Variants in PLOD1 observed in about 807,000 individuals in gnomAD.
PLOD1 encodes procollagen-lysine,2-oxoglutarate 5-dioxygenase 1, also known as lysine hydroxylase.
Under a neutral mutation model 94.7 loss-of-function variants are expected in PLOD1, and 70 were observed. The ratio of observed to expected loss-of-function variants is 0.74; its 90% confidence interval spans 0.61 to 0.90. The LOEUF is 0.90. Ranked by LOEUF, PLOD1 falls within the 40% of genes least tolerant of loss-of-function variation. PLOD1 has a pLI of 0.00. For synonymous variants in PLOD1, 417 were observed against 400.2 expected (o/e 1.04, Z -0.50); for missense variants, 905 against 972.7 (o/e 0.93, Z 0.93).
intron 4 of PLOD1, among the ~76,000 whole-genome samples, chr1:11,950,982 T>C (rs368245039): frequency 2.6e-5 from 4 of 152,020 alleles, no homozygotes; most frequent in Non-Finnish European, 4.4e-5. Context: ...TTAGTAGAGA[T>C]GGGGTATCGC....
Position 11,965,517 on chromosome 1 carries a change from G to A in PLOD1, c.1508G>A (p.Gly503Asp). 1.2e-6 allele frequency: 2 copies of A among 1,613,666 alleles called. No individual in the cohort carries two copies. Among genetic ancestry groups the A allele is most frequent in the Non-Finnish European group, 1.7e-6 (2 of 1,179,862 alleles). The change falls in exon 14 of 19, where the codon GGC (glycine) becomes GAC (aspartate). Residue 503 changes from glycine (G) to aspartate (D), a missense_variant. Coordinates refer to ENST00000196061, the MANE Select transcript of PLOD1 (RefSeq NM_000302.4). ...FMFLTNRHTL[G>D]HLLSLDSYRT... is the part of the protein sequence containing the mutation. Reference sequence around the variant, plus strand: ...TTCCTGACCAACCGGCACACCCTTGGCCATCTGCTCTCCCTAGACAGCTAC... The same window carrying A: ...TTCCTGACCAACCGGCACACCCTTGACCATCTGCTCTCCCTAGACAGCTAC...
Position 11,958,652 on chromosome 1 carries a change from G to A in PLOD1, c.975+5G>A. 1 of 1,614,088 alleles carries A rather than the reference G, an allele frequency of 6.2e-7. No homozygotes were observed. On this transcript the variant is annotated splice_donor_5th_base_variant and intron_variant, in intron 9 of 18. Transcript: ENST00000196061. The surrounding 1 kb of genome is among the most constrained non-coding windows in gnomAD (Gnocchi z 4.3). Reference sequence around the variant, plus strand: ...CGACTTTTCATCCACAACCACGTGAGTAACAGGCGCTCTGTGGGGTCGTCA... The same window carrying A: ...CGACTTTTCATCCACAACCACGTGAATAACAGGCGCTCTGTGGGGTCGTCA...
Position 11,950,386 on chromosome 1 carries a change from G to A in PLOD1, c.332G>A (p.Arg111Gln), listed in dbSNP as rs141767454. 11 of 1,613,970 alleles carry A rather than the reference G, an allele frequency of 6.8e-6. No individual in the cohort carries two copies. The highest frequency in any genetic ancestry group is 5.3e-5 in the African/African-American group (4 of 74,900). Residue 111 changes from arginine (R) to glutamine (Q), a missense_variant, in exon 4 of 19, where the codon CGG becomes CAG. Transcript: ENST00000196061. ...SYDVLFASGPRELLKKFRQAR... is the reference protein window; with the variant it reads ...SYDVLFASGPQELLKKFRQAR... The stretch of plus-strand genomic sequence containing the variant: ...GACGTGCTGTTTGCATCGGGGCCCC[G>A]GGAGCTCCTGAAGAAGTTCCGGCAG...
At chr1:11,954,769 T>A in intron 5 of PLOD1, 61 bp from the exon 6 acceptor site, 2 of 1,239,736 alleles carry the variant, frequency 1.6e-6, no homozygotes, top group Non-Finnish European at 2.4e-6. Context: ...CTGGGTGAGA[T>A]GTAGCCCCAG....
In PLOD1 at chr1:11,975,306, T is replaced by C. The variant is rs1645896363; in HGVS notation, c.*498T>C. 1 of 244,090 alleles carries C rather than the reference T, an allele frequency of 4.1e-6. No homozygotes were observed. Among genetic ancestry groups the C allele is most frequent in the East Asian group, 9.7e-5 (1 of 10,284 alleles). 15.1% of individuals were successfully genotyped at this position (244,090 alleles called of 1,614,324 possible). ...AGGGCTGCCCTGAGTCTGGGACTTC[T>C]GCCTCCATGGCTGGTCATGAGAGCA... On this transcript the variant is annotated 3_prime_UTR_variant, in exon 19 of 19. Transcript: ENST00000196061.
chr1:11,971,332 C>A (rs143483237), intron 17 of PLOD1, among the ~76,000 whole-genome samples: 1,531 of 148,548 alleles, frequency 0.01, 19 homozygotes, highest in African/African-American at 0.036. Context: ...AACATCCCAG[C>A]TTATGGGAGA....
chr1:11,972,738 G>A lies in PLOD1; in HGVS notation c.1903-134G>A. 2 of 887,388 alleles carry A rather than the reference G, an allele frequency of 2.3e-6. No homozygotes were observed. Among genetic ancestry groups the A allele is most frequent in the South Asian group, 2.7e-5 (2 of 74,824 alleles). The allele number at this position is 887,388 out of a possible 1,614,324, so 55.0% of individuals were successfully genotyped here. A position where few individuals can be genotyped will look rare whatever the true frequency, so the allele number is the denominator to read the frequency against. On this transcript the variant is annotated intron_variant, in intron 17 of 18. Coordinates refer to ENST00000196061, the MANE Select transcript of PLOD1 (RefSeq NM_000302.4). This position sits in a 1 kb window ranked among gnomAD's most constrained non-coding sequence, Gnocchi z 4.6. ...GTAGTTGCAGGCACTCGAGCATAGA[G>A]CCCCATGTAGACCTGGCCCCTGTAA...
At position 11,958,465 on chromosome 1, in the gene PLOD1, A is replaced by G; in HGVS notation, c.844-51A>G. The G allele has an allele frequency of 6.2e-7, 1 of 1,606,584 alleles. No homozygotes were observed. The stretch of plus-strand genomic sequence containing the variant: ...TTGGGCCACCCTGGGGTGGAGTGGC[A>G]GTGCTGTGACTGGACACTGCTGGAC... On this transcript the variant is annotated intron_variant, in intron 8 of 18. Transcript: ENST00000196061. The surrounding 1 kb of genome is among the most constrained non-coding windows in gnomAD (Gnocchi z 4.3).
chr1:11,970,707 C>T lies in PLOD1; in HGVS notation c.1793C>T (p.Thr598Ile). Residue 598 changes from threonine to isoleucine, a missense_variant, in exon 17 of 19, where the codon ACT (threonine) becomes ATT (isoleucine). Physicochemically the swap from Thr to Ile is moderately conservative, Grantham distance 89. Transcript: ENST00000196061. ...CAGGGTGGCTACGAGAACGTGCCGACTATTGACATCCACATGAACCAGATC... is the reference window on the plus strand; with the variant it reads ...CAGGGTGGCTACGAGAACGTGCCGATTATTGACATCCACATGAACCAGATC... ...RIQGGYENVPTIDIHMNQIGF... is the reference protein window; with the variant it reads ...RIQGGYENVPIIDIHMNQIGF... 1.2e-6 allele frequency: 2 copies of T among 1,613,142 alleles called. No individual in the cohort carries two copies. The highest frequency in any genetic ancestry group is 2.2e-5 in the South Asian group (2 of 91,058).
At chr1:11,942,292 C>T (rs969983429) in intron 1 of PLOD1, among the ~76,000 whole-genome samples, 3 of 152,184 alleles carry the variant, frequency 2.0e-5, no homozygotes, top group Non-Finnish European at 4.4e-5. Flanking sequence ...TGTGTCAGGC[C>T]TCACGTAGCT....
rs1645873685 is a variant in PLOD1 at position 11,972,554 on chromosome 1, C to T, written c.1903-318C>T. On this transcript the variant is annotated intron_variant, in intron 17 of 18. Coordinates refer to ENST00000196061, the MANE Select transcript of PLOD1 (RefSeq NM_000302.4). The surrounding 1 kb of genome is among the most constrained non-coding windows in gnomAD (Gnocchi z 4.6). Reference sequence around the variant, plus strand: ...AGGCGTGAGTACCATGTCCGGCCTCCTTCCCTTTCATTTCTTCTCTTCCCT... The same window carrying T: ...AGGCGTGAGTACCATGTCCGGCCTCTTTCCCTTTCATTTCTTCTCTTCCCT... 2.9e-6 allele frequency: 1 copy of T among 349,932 alleles called. No individual in the cohort carries two copies. Among genetic ancestry groups the T allele is most frequent in the South Asian group, 2.6e-5 (1 of 38,716 alleles). 21.7% of individuals were successfully genotyped at this position (349,932 alleles called of 1,614,324 possible). A position where few individuals can be genotyped will look rare whatever the true frequency, so the allele number is the denominator to read the frequency against.
intron 16 of PLOD1, among the ~76,000 whole-genome samples, chr1:11,968,178 T>G (rs1381479653): frequency 6.6e-6 from 1 of 152,160 alleles, no homozygotes; most frequent in East Asian, 1.9e-4. Context: ...GGTCTCAAAC[T>G]CCTGGCCTCA....
chr1:11,936,576 G>A (rs1645580063), intron 1 of PLOD1, among the ~76,000 whole-genome samples: 1 of 151,630 alleles, frequency 6.6e-6, no homozygotes, highest in East Asian at 2.0e-4. Context: ...AGGCTGGAGT[G>A]CAGTAGCATG....
chr1:11,959,184 A>G (rs1477844600), intron 9 of PLOD1, among the ~76,000 whole-genome samples: 1 of 152,026 alleles, frequency 6.6e-6, no homozygotes, highest in Non-Finnish European at 1.5e-5. Flanking sequence ...CAGCCTGGAC[A>G]ACAAGAGCAA....
At chr1:11,966,939 C>T in intron 15 of PLOD1, 48 bp from the exon 16 acceptor site, 1 of 1,144,320 alleles carries the variant, frequency 8.7e-7, no homozygotes, top group African/African-American at 1.5e-5. Flanking sequence ...AAGGAGGATT[C>T]TGTGGTGCCA....
At chr1:11,939,857 C>T (rs1484134718) in intron 1 of PLOD1, among the ~76,000 whole-genome samples, 1 of 152,208 alleles carries the variant, frequency 6.6e-6, no homozygotes, top group African/African-American at 2.4e-5. Context: ...ATCCACCCGC[C>T]TTGGCCTCCC....
chr1:11,965,478 A>C lies in PLOD1; in HGVS notation c.1471-2A>C. On this transcript the variant is annotated splice_acceptor_variant, in intron 13 of 18. Transcript: ENST00000196061. LOFTEE classifies it high-confidence loss of function. ...CTCTTCCACCGGGCCTGTCCTCCCC[A>C]GGATGTGTTCATGTTCCTGACCAAC... 1 of 1,595,868 alleles carries C rather than the reference A, an allele frequency of 6.3e-7. No homozygotes were observed. Among genetic ancestry groups the C allele is most frequent in the Non-Finnish European group, 8.6e-7 (1 of 1,163,960 alleles).
intron 16 of PLOD1, among the ~76,000 whole-genome samples, chr1:11,968,511 CTTTTTTCTTTTTTT>C (rs1645837808): frequency 6.6e-6 from 1 of 150,854 alleles, no homozygotes; most frequent in Non-Finnish European, 1.5e-5. Context: ...CTCTGATTTT[CTTTTTTCTTTTTTT>C]TTTTTTTGAA....
intron 4 of PLOD1, 80 bp downstream of exon 4, chr1:11,950,600 G>T: frequency 7.6e-7 from 1 of 1,313,080 alleles, no homozygotes; most frequent in Non-Finnish European, 1.1e-6. Context: ...CTTGTTTGAC[G>T]TGCAATCTGG....
Sources: allele counts gnomAD v4.1 joint callset (sites outside exome capture counted in the v4.1 genomes callset), GRCh38; gene constraint gnomAD v4.1.1; non-coding constraint Gnocchi (gnomAD v3.1); transcripts MANE v1.5; gene names NCBI Gene and HGNC (gene_info 2026-07-23, HGNC 2026-07-21).